Variants in SPEN observed in about 807,000 individuals in gnomAD.
SPEN encodes the protein msx2-interacting protein.
In SPEN, 18 loss-of-function variants were observed where a neutral mutation model predicts 269.9. The observed-to-expected ratio is 0.07, with a 90% confidence interval of 0.05 to 0.10. The LOEUF (loss-of-function observed/expected upper bound fraction) is 0.10, where lower values mean the gene tolerates loss of function less well. Among genes scored for constraint, SPEN ranks in the 10% least tolerant of loss-of-function variants. The pLI is 1.00. For missense variants in SPEN, 3,822 were observed against 4,631.2 expected (o/e 0.83, Z 5.07); for synonymous variants, 1,726 against 1,765.7 (o/e 0.98, Z 0.56).
intron 1 of SPEN, among the ~76,000 whole-genome samples, chr1:15,871,593 C>T (rs919900152): frequency 1.3e-5 from 2 of 152,056 alleles, no homozygotes; most frequent in African/African-American, 4.8e-5. Context: ...TGCACCCAGC[C>T]TGTATAAATA....
rs1287305249 is a variant in SPEN at position 15,930,785 on chromosome 1, T to C, written c.4545T>C (p.His1515=). The C allele has an allele frequency of 2.5e-6, 4 of 1,614,114 alleles. No individual in the cohort carries two copies. The highest frequency in any genetic ancestry group is 3.4e-6 in the Non-Finnish European group (4 of 1,180,012). The change falls in exon 11 of 15, where the codon CAT becomes CAC. Residue 1515 remains histidine, a synonymous_variant. Transcript: ENST00000375759. The surrounding 1 kb of genome is among the most constrained non-coding windows in gnomAD (Gnocchi z 5.3). ...AAATGGATGATAAGAAAGAGGACCA[T>C]AAAGAAGAAGAGCAAGAGAGGCAGG... ...EGKMDDKKED[H]KEEEQERQEL... is the part of the protein sequence containing the mutation.
chr1:15,914,568 A>ATC (rs1410708634), intron 5 of SPEN, among the ~76,000 whole-genome samples: 4 of 152,206 alleles, frequency 2.6e-5, no homozygotes, highest in Non-Finnish European at 4.4e-5. Flanking sequence ...CACACCTGTA[A>ATC]TCTCAGCACT....
At position 15,930,015 on chromosome 1, in the gene SPEN, G is replaced by C; in HGVS notation, c.3775G>C (p.Gly1259Arg). 1 of 1,614,154 alleles carries C rather than the reference G, an allele frequency of 6.2e-7. No individual in the cohort carries two copies. The part of the protein sequence containing the change: ...RQISEDSERT[G>R]GSPSVRHGSF... ...AATCAGCGAAGATTCTGAAAGGACT[G>C]GTGGTTCTCCCAGTGTCCGACATGG... is the stretch of plus-strand genomic sequence containing the variant. Residue 1259 changes from glycine to arginine, a missense_variant, in exon 11 of 15, where the codon GGT becomes CGT. Physicochemically the swap from Gly to Arg is moderately radical, Grantham distance 125. Transcript: ENST00000375759. This position sits in a 1 kb window ranked among gnomAD's most constrained non-coding sequence, Gnocchi z 5.3.
In SPEN at chr1:15,935,084, CCTCACCCCAAGCATT is replaced by C; in HGVS notation, c.8845_8859del (p.Leu2949_Ile2953del). ...CTGTGCTGGTTCACAACCAGCTGGTCCTCACCCCAAGCATTGTCACCACAAACAAGAAGCTTGCTG... is the reference window on the plus strand; with the variant it reads ...CTGTGCTGGTTCACAACCAGCTGGTCGTCACCACAAACAAGAAGCTTGCTG... On this transcript the variant is annotated inframe_deletion, in exon 11 of 15. Coordinates refer to ENST00000375759, the MANE Select transcript of SPEN (RefSeq NM_015001.3). The surrounding 1 kb of genome is among the most constrained non-coding windows in gnomAD (Gnocchi z 7.7). 1 of 1,614,006 alleles carries C rather than the reference CCTCACCCCAAGCATT, an allele frequency of 6.2e-7. No homozygotes were observed. The highest frequency in any genetic ancestry group is 8.5e-7 in the Non-Finnish European group (1 of 1,179,992).
In SPEN at chr1:15,854,592, A is replaced by G. The variant is rs559144431; in HGVS notation, c.83+6442A>G. On this transcript the variant is annotated intron_variant, in intron 1 of 14. Coordinates refer to ENST00000375759, the MANE Select transcript of SPEN (RefSeq NM_015001.3). ...GACCTCTGCCTCCCAGGTTCAAGCA[A>G]TTCTGCCTCAGCCTCCCAAGTAGCT... Among the ~76,000 whole-genome samples, 35 of 151,880 alleles carry G rather than the reference A, an allele frequency of 2.3e-4. 1 individual carries two copies. The South Asian group carries it at 4.2e-3, about 18-fold the overall frequency.
At chr1:15,904,479 T>TAAAAAAAAAAAAAAAAA (rs1557750239) in intron 3 of SPEN, among the ~76,000 whole-genome samples, 17 of 81,100 alleles carry the variant, frequency 2.1e-4, no homozygotes, top group Admixed American at 4.7e-4. Flanking sequence ...AAAAAAAAAG[T>TAAAAAAAAAAAAAAAAA]GAACTAAAAA....
intron 1 of SPEN, among the ~76,000 whole-genome samples, chr1:15,853,505 A>T (rs903412418): frequency 7.9e-6 from 1 of 126,016 alleles, no homozygotes; most frequent in Admixed American, 8.1e-5. Flanking sequence ...TTTTATTTTT[A>T]TTTTTTGAGG....
chr1:15,849,583 G>C (rs2070312511), intron 1 of SPEN, among the ~76,000 whole-genome samples: 1 of 151,936 alleles, frequency 6.6e-6, no homozygotes, highest in Admixed American at 6.6e-5. Flanking sequence ...GGACTCTCCC[G>C]GTGTTTACTA....
intron 1 of SPEN, among the ~76,000 whole-genome samples, chr1:15,864,428 C>T (rs1225975834): frequency 3.3e-5 from 5 of 150,600 alleles, no homozygotes; most frequent in East Asian, 1.9e-4. Flanking sequence ...CCTTGGCTTC[C>T]CAAAGTGTTG....
chr1:15,866,715 A>C (rs1046313671), intron 1 of SPEN, among the ~76,000 whole-genome samples: 21 of 152,302 alleles, frequency 1.4e-4, no homozygotes, highest in Non-Finnish European at 2.5e-4. Flanking sequence ...TCATTTCATA[A>C]TAAATTTCTT....
At chr1:15,890,363 C>T (rs1279306134) in intron 3 of SPEN, among the ~76,000 whole-genome samples, 1 of 151,886 alleles carries the variant, frequency 6.6e-6, no homozygotes, top group African/African-American at 2.4e-5. Context: ...TCCCGAGTAG[C>T]TGGGATTACA....
At chr1:15,910,854 A>G (rs2071006138) in intron 4 of SPEN, among the ~76,000 whole-genome samples, 1 of 152,154 alleles carries the variant, frequency 6.6e-6, no homozygotes, top group African/African-American at 2.4e-5. Flanking sequence ...TTGAAAAAGT[A>G]ATGTTTTAAT....
rs140019149 is a variant in SPEN, at chr1:15,880,528, T to C, written c.881+3850T>C. ...TGGAGTGCGGTGGCGCAATCTTGGCTCACTGCAACCTCTGCCTCTCGGGTT... is the reference window on the plus strand; with the variant it reads ...TGGAGTGCGGTGGCGCAATCTTGGCCCACTGCAACCTCTGCCTCTCGGGTT... On this transcript the variant is annotated intron_variant, in intron 3 of 14. Transcript: ENST00000375759. Among the ~76,000 whole-genome samples, 377 of 147,150 alleles carry C rather than the reference T, an allele frequency of 2.6e-3. 14 individuals carry two copies. The East Asian group carries it at 0.057, about 22-fold the overall frequency.
chr1:15,851,681 C>G (rs1173603677), intron 1 of SPEN, among the ~76,000 whole-genome samples: 1 of 152,012 alleles, frequency 6.6e-6, no homozygotes, highest in Non-Finnish European at 1.5e-5. Context: ...GGTAGCCCCT[C>G]GTGTAAAAAT....
rs761526916 is a variant in SPEN at position 15,921,011 on chromosome 1, A to C, written c.1749+28A>C. On this transcript the variant is annotated intron_variant, in intron 9 of 14. Transcript: ENST00000375759. ...GTGCAGAATGACTTTAAACAGAAGC[A>C]AAACAAAGTCCTATTCAAATCTCAC... 4 of 1,432,554 alleles carry C rather than the reference A, an allele frequency of 2.8e-6. No homozygotes were observed. In the East Asian group the frequency reaches 9.3e-5, roughly 33 times the overall value. The allele number at this position is 1,432,554 out of a possible 1,614,324, so 88.7% of individuals were successfully genotyped here.
chr1:15,878,037 G>A (rs974880584), intron 3 of SPEN, among the ~76,000 whole-genome samples: 3 of 152,010 alleles, frequency 2.0e-5, no homozygotes, highest in Non-Finnish European at 2.9e-5. Context: ...GAGCTACTGC[G>A]CCTGGCCAAG....
intron 1 of SPEN, among the ~76,000 whole-genome samples, chr1:15,860,770 T>C (rs758198494): frequency 5.9e-5 from 9 of 151,608 alleles, no homozygotes; most frequent in Non-Finnish European, 1.0e-4. Context: ...CCTGGCTAAT[T>C]TTTTGTATTT....
intron 10 of SPEN, among the ~76,000 whole-genome samples, chr1:15,924,460 AT>A (rs552167645): frequency 2.8e-4 from 41 of 148,686 alleles, no homozygotes; most frequent in African/African-American, 8.6e-4. Context: ...CTTAAAATCT[AT>A]TTTTTTTTTG....
chr1:15,850,775 G>A (rs2148700157), intron 1 of SPEN, among the ~76,000 whole-genome samples: 1 of 152,312 alleles, frequency 6.6e-6, no homozygotes, highest in East Asian at 1.9e-4. Context: ...AGTTGTACCA[G>A]AACGATGGCT....
Sources: gnomAD v4.1 joint callset for allele counts (sites outside exome capture counted in the v4.1 genomes callset) on GRCh38, gnomAD v4.1.1 for gene constraint, Gnocchi (gnomAD v3.1) non-coding constraint, MANE v1.5 for transcripts, NCBI Gene and HGNC (gene_info 2026-07-23, HGNC 2026-07-21) for gene names.